Variants in ARHGAP45 observed in about 807,000 individuals in gnomAD.
ARHGAP45 encodes the protein rho GTPase-activating protein 45.
ARHGAP45 carries 56 observed loss-of-function variants against 116.1 expected under a neutral mutation model. The ratio of observed to expected loss-of-function variants is 0.48; its 90% confidence interval spans 0.39 to 0.60. The LOEUF is 0.60. Ranked by LOEUF, ARHGAP45 falls within the 20% of genes least tolerant of loss-of-function variation. ARHGAP45 has a pLI of 0.00. For missense variants in ARHGAP45, 1,622 were observed against 1,601.0 expected (o/e 1.01, Z -0.22); for synonymous variants, 866 against 701.7 (o/e 1.23, Z -3.70).
At chr19:1,070,510 CTTTT>C (rs35544064) in intron 2 of ARHGAP45, among the ~76,000 whole-genome samples, 2 of 133,270 alleles carry the variant, frequency 1.5e-5, no homozygotes, top group African/African-American at 5.5e-5. Flanking sequence ...TTTTTTCTTT[CTTTT>C]TTTTTTTTTT....
chr19:1,076,804 A>G (rs939290568), intron 10 of ARHGAP45, among the ~76,000 whole-genome samples: 3 of 151,422 alleles, frequency 2.0e-5, no homozygotes, highest in East Asian at 1.9e-4. Flanking sequence ...GCTAATTTTT[A>G]TATCTTTGGT....
chr19:1,083,081 ATGGAG>A lies in ARHGAP45; in HGVS notation c.2744+21_2744+25del, dbSNP rs779689677. On this transcript the variant is annotated intron_variant, in intron 20 of 22. Coordinates refer to ENST00000313093, the MANE Select transcript of ARHGAP45 (RefSeq NM_012292.5). ...CACCTACGCAGGTGAGTCCCGGCATATGGAGTGGAGGGCGCGGGGTCCCGGGAGCC... is the reference window on the plus strand; with the variant it reads ...CACCTACGCAGGTGAGTCCCGGCATATGGAGGGCGCGGGGTCCCGGGAGCC... 2.6e-6 allele frequency: 4 copies of A among 1,559,280 alleles called. No individual in the cohort carries two copies. Among genetic ancestry groups the A allele is most frequent in the Non-Finnish European group, 3.5e-6 (4 of 1,156,496 alleles).
intron 17 of ARHGAP45, 81 bp from the exon 18 acceptor site, chr19:1,081,469 G>A (rs940251538): frequency 1.2e-5 from 16 of 1,344,174 alleles, no homozygotes; most frequent in Non-Finnish European, 1.5e-5. Context: ...TGAGCGCCCC[G>A]GGGAGGTGGG....
chr19:1,080,187 G>A (rs1366064450), intron 13 of ARHGAP45, 68 bp from the exon 14 acceptor site: 3 of 1,610,392 alleles, frequency 1.9e-6, no homozygotes, highest in African/African-American at 2.7e-5. Context: ...TCCCTCTGTC[G>A]GGGGCATGAA....
chr19:1,074,540 G>C, intron 8 of ARHGAP45, 74 bp from the exon 9 acceptor site: 1 of 1,425,944 alleles, frequency 7.0e-7, no homozygotes, highest in Non-Finnish European at 9.5e-7. Context: ...GGACCAGGGA[G>C]CTGGTGGCTG....
rs770642405 is a variant in ARHGAP45 at position 1,085,925 on chromosome 19, G to A, written c.3330G>A (p.Gln1110=). The A allele has an allele frequency of 1.2e-6, 2 of 1,612,994 alleles. No homozygotes were observed. The highest frequency in any genetic ancestry group is 2.2e-5 in the South Asian group (2 of 91,090). ...FNTNQSNNVL[Q]APLPPMRLRG... The stretch of plus-strand genomic sequence containing the variant: ...CCAACCAGTCCAACAACGTGCTGCA[G>A]GCCCCACTGCCCCCCATGAGGCTCC... Residue 1110 remains glutamine, a synonymous_variant, in exon 23 of 23, where the codon CAG becomes CAA. Coordinates refer to ENST00000313093, the MANE Select transcript of ARHGAP45 (RefSeq NM_012292.5).
At chr19:1,066,238 A>G (rs1213506222), upstream of ARHGAP45, 20 of 954,730 alleles carry the variant, frequency 2.1e-5, no homozygotes, top group Middle Eastern at 4.7e-4. Flanking sequence ...GGAAGGGGAC[A>G]GCAGGGAGAC....
In ARHGAP45 at chr19:1,081,626, T is replaced by C. The variant is rs1439544588; in HGVS notation, c.2267T>C (p.Leu756Pro). The C allele has an allele frequency of 6.4e-7, 1 of 1,568,484 alleles. No individual in the cohort carries two copies. The highest frequency in any genetic ancestry group is 8.6e-7 in the Non-Finnish European group (1 of 1,156,714). ...QCGHKKLQGR[L>P]QLFGQDFSHA... is the part of the protein sequence containing the mutation. ...GGGCACAAGAAGCTGCAAGGCCGCC[T>C]GCAGCTGTTCGGCCAGGACTTCAGC... is the stretch of plus-strand genomic sequence containing the variant. The change falls in exon 18 of 23, where the codon CTG becomes CCG. Residue 756 changes from leucine (L) to proline (P), a missense_variant. This residue lies in a region of ARHGAP45 where 1,334 missense variants were observed against 1,263.8 expected (regional missense o/e 1.06). Transcript: ENST00000313093.
chr19:1,068,485 C>A lies in ARHGAP45; in HGVS notation c.162C>A (p.Ser54=). ...GCCTGGAGCCGCCCGCTGGGTCCTCCGGCGTCAAGGCCACAGGGACCCTCA... is the reference window on the plus strand; with the variant it reads ...GCCTGGAGCCGCCCGCTGGGTCCTCAGGCGTCAAGGCCACAGGGACCCTCA... ...GPSLEPPAGS[S]GVKATGTLKR... Residue 54 remains serine, a synonymous_variant, in exon 2 of 23, where the codon TCC becomes TCA. Coordinates refer to ENST00000313093, the MANE Select transcript of ARHGAP45 (RefSeq NM_012292.5). This position sits in a 1 kb window ranked among gnomAD's most constrained non-coding sequence, Gnocchi z 7.5. 3 of 1,587,962 alleles carry A rather than the reference C, an allele frequency of 1.9e-6. No homozygotes were observed. Among genetic ancestry groups the A allele is most frequent in the Non-Finnish European group, 1.7e-6 (2 of 1,168,028 alleles).
chr19:1,073,185 G>A lies in ARHGAP45; in HGVS notation c.458G>A (p.Cys153Tyr), dbSNP rs755344663. Residue 153 changes from cysteine to tyrosine, a missense_variant, in exon 3 of 23, where the codon TGC becomes TAC. Transcript: ENST00000313093. ...GCCCGCCGCCCGCGGGCCCACGAGT[G>A]CCTGGGTGAGGCTCTGCGTGTCATG... is the stretch of plus-strand genomic sequence containing the variant. Reference protein sequence around the residue: ...LEARRPRAHECLGEALRVMHQ... With the variant: ...LEARRPRAHEYLGEALRVMHQ... The A allele has an allele frequency of 4.3e-6, 7 of 1,611,710 alleles. No individual in the cohort carries two copies. The highest frequency in any genetic ancestry group is 5.1e-6 in the Non-Finnish European group (6 of 1,180,006).
chr19:1,076,501 T>G (rs2043253334), intron 10 of ARHGAP45, among the ~76,000 whole-genome samples: 1 of 137,668 alleles, frequency 7.3e-6, no homozygotes, highest in Non-Finnish European at 1.6e-5. Flanking sequence ...TTTTTTTTTT[T>G]TTTTTTTTTT....
At chr19:1,085,624 G>GTCTGTCTCCCCCCGCCA (rs1336918752) in intron 22 of ARHGAP45, 36 bp from the exon 23 acceptor site, 36 of 1,455,572 alleles carry the variant, frequency 2.5e-5, no homozygotes, top group Middle Eastern at 1.8e-4. Context: ...CATCTCTCCT[G>GTCTGTCTCCCCCCGCCA]TCTGTCTCCC....
upstream of ARHGAP45, chr19:1,067,017 G>A: frequency 4.4e-6 from 1 of 229,316 alleles, no homozygotes; most frequent in Non-Finnish European, 7.4e-6. Flanking sequence ...GAGAGTCAGC[G>A]CCCTGCAGTC....
At chr19:1,066,468 T>A, upstream of ARHGAP45, 1 of 437,322 alleles carries the variant, frequency 2.3e-6, no homozygotes, top group East Asian at 4.4e-5. Flanking sequence ...TAAGGGCAGG[T>A]CTGGGGCAAC....
At position 1,081,007 on chromosome 19, in the gene ARHGAP45, C is replaced by G. The variant is rs986298742; in HGVS notation, c.2133C>G (p.Pro711=). ...RTHRLRKLRT[P]AKCRECNSYV... ...ACCGGCTCCGGAAGCTCCGCACGCC[C>G]GCCAAGTGCCGCGAGTGCAACAGCT... The change falls in exon 17 of 23, where the codon CCC becomes CCG. Residue 711 remains proline (P), a synonymous_variant. Coordinates refer to ENST00000313093, the MANE Select transcript of ARHGAP45 (RefSeq NM_012292.5). The G allele has an allele frequency of 2.5e-6, 4 of 1,608,228 alleles. No homozygotes were observed. The highest frequency in any genetic ancestry group is 3.4e-6 in the Non-Finnish European group (4 of 1,178,266).
chr19:1,077,057 G>A, intron 10 of ARHGAP45: 10 of 984,866 alleles, frequency 1.0e-5, no homozygotes, highest in Non-Finnish European at 1.2e-5. Flanking sequence ...GAGTCCGTTT[G>A]TTTGTGTGCG....
chr19:1,068,461 C>G lies in ARHGAP45; in HGVS notation c.138C>G (p.Ser46Arg). 1 of 1,582,012 alleles carries G rather than the reference C, an allele frequency of 6.3e-7. No individual in the cohort carries two copies. The highest frequency in any genetic ancestry group is 8.6e-7 in the Non-Finnish European group (1 of 1,164,502). Residue 46 changes from serine to arginine, a missense_variant, in exon 2 of 23, where the codon AGC becomes AGG. Transcript: ENST00000313093. This position sits in a 1 kb window ranked among gnomAD's most constrained non-coding sequence, Gnocchi z 7.5. ...DGADAVFPGP[S>R]LEPPAGSSGV... is the part of the protein sequence containing the mutation. ...CTGACGCGGTGTTCCCCGGACCAAG[C>G]CTGGAGCCGCCCGCTGGGTCCTCCG...
chr19:1,084,281 C>G lies in ARHGAP45; in HGVS notation c.2999C>G (p.Pro1000Arg), dbSNP rs1263021489. 3.7e-6 allele frequency: 6 copies of G among 1,613,110 alleles called. No individual in the cohort carries two copies. Among genetic ancestry groups the G allele is most frequent in the South Asian group, 1.1e-5 (1 of 91,040 alleles). ...NQRAEVVVQVPYLEAGEAVVY... is the reference protein window; with the variant it reads ...NQRAEVVVQVRYLEAGEAVVY... ...CGAGCTGAGGTAGTCGTCCAGGTGCCGTACCTGGAGGCGGGCGAGGCGGTG... is the reference window on the plus strand; with the variant it reads ...CGAGCTGAGGTAGTCGTCCAGGTGCGGTACCTGGAGGCGGGCGAGGCGGTG... The change falls in exon 22 of 23, where the codon CCG (proline) becomes CGG (arginine). Residue 1000 changes from proline to arginine, a missense_variant. By Grantham distance (103) the Pro-to-Arg change is moderately radical. Around this residue, in one of 3 missense-constraint regions of ARHGAP45, gnomAD observed 1,334 missense variants for 1,263.8 expected, o/e 1.06. Transcript: ENST00000313093.
At position 1,068,449 on chromosome 19, in the gene ARHGAP45, C is replaced by A; in HGVS notation, c.126C>A (p.Phe42Leu). 2 of 1,580,260 alleles carry A rather than the reference C, an allele frequency of 1.3e-6. No individual in the cohort carries two copies. The highest frequency in any genetic ancestry group is 1.7e-6 in the Non-Finnish European group (2 of 1,163,478). Reference sequence around the variant, plus strand: ...GGAAGGATGGGGCTGACGCGGTGTTCCCCGGACCAAGCCTGGAGCCGCCCG... The same window carrying A: ...GGAAGGATGGGGCTGACGCGGTGTTACCCGGACCAAGCCTGGAGCCGCCCG... ...LPRKDGADAV[F>L]PGPSLEPPAG... The change falls in exon 2 of 23, where the codon TTC becomes TTA. Residue 42 changes from phenylalanine to leucine, a missense_variant. Coordinates refer to ENST00000313093, the MANE Select transcript of ARHGAP45 (RefSeq NM_012292.5). This position sits in a 1 kb window ranked among gnomAD's most constrained non-coding sequence, Gnocchi z 7.5.
Sources: gnomAD v4.1 joint callset for allele counts (sites outside exome capture counted in the v4.1 genomes callset) on GRCh38, gnomAD v4.1.1 for gene constraint, gnomAD v4.1.1 regional missense constraint, Gnocchi (gnomAD v3.1) non-coding constraint, MANE v1.5 for transcripts, NCBI Gene and HGNC (gene_info 2026-07-23, HGNC 2026-07-21) for gene names.